The following SHTN1 variants were observed in gnomAD, a reference collection of about 807,000 sequenced individuals.
SHTN1 encodes the protein shootin 1.
In SHTN1, 42 loss-of-function variants were observed where a neutral mutation model predicts 83.1. The ratio of observed to expected loss-of-function variants is 0.51; its 90% CI spans 0.39 to 0.65. The LOEUF (loss-of-function observed/expected upper bound fraction) is 0.65. Among genes scored for constraint, SHTN1 ranks in the 30% least tolerant of loss-of-function variants. SHTN1 has a pLI of 0.00. For synonymous variants in SHTN1, 224 were observed against 247.7 expected (o/e 0.90, Z 0.90); for missense variants, 622 against 737.8 (o/e 0.84, Z 1.82).
At chr10:116,897,430 A>G (rs1847561538) in intron 16 of SHTN1, among the ~76,000 whole-genome samples, 1 of 152,092 alleles carries the variant, frequency 6.6e-6, no homozygotes, top group Non-Finnish European at 1.5e-5. Context: ...GCTGAAAGGG[A>G]CTCTGTACAG....
intron 1 of SHTN1, among the ~76,000 whole-genome samples, chr10:117,085,277 A>G (rs988338082): frequency 2.0e-5 from 3 of 152,152 alleles, no homozygotes; most frequent in Admixed American, 1.3e-4. Context: ...TATGCACTCA[A>G]TGCTATAAAT....
intron 2 of SHTN1, among the ~76,000 whole-genome samples, chr10:117,025,863 T>C (rs1441539490): frequency 1.3e-5 from 2 of 152,094 alleles, no homozygotes; most frequent in Non-Finnish European, 1.5e-5. Context: ...CCTAGCTGGA[T>C]CCATCACCTA....
chr10:117,052,448 G>A (rs1852760058), intron 1 of SHTN1, among the ~76,000 whole-genome samples: 1 of 151,754 alleles, frequency 6.6e-6, no homozygotes, highest in Admixed American at 6.6e-5. Context: ...ATATGAAATG[G>A]CACAGGACCC....
chr10:117,101,908 G>A (rs1254027714), intron 1 of SHTN1, among the ~76,000 whole-genome samples: 1 of 151,574 alleles, frequency 6.6e-6, no homozygotes. Flanking sequence ...AAAAATGCAT[G>A]CATCAAAGTA....
At chr10:116,989,814 T>C (rs750864318) in intron 1 of SHTN1, among the ~76,000 whole-genome samples, 9 of 152,242 alleles carry the variant, frequency 5.9e-5, no homozygotes, top group Non-Finnish European at 1.2e-4. Flanking sequence ...CGATGTGCAT[T>C]GCATGTGTTA....
At chr10:116,928,003 G>T in intron 10 of SHTN1, 112 bp from the exon 11 acceptor site, 1 of 1,226,442 alleles carries the variant, frequency 8.2e-7, no homozygotes, top group Non-Finnish European at 1.1e-6. Context: ...TTTTATTAAG[G>T]CAAAATTAGA....
At chr10:117,095,917 CA>C (rs1332444960) in intron 1 of SHTN1, among the ~76,000 whole-genome samples, 6 of 152,164 alleles carry the variant, frequency 3.9e-5, no homozygotes, top group Non-Finnish European at 8.8e-5. Flanking sequence ...GGTTCAGTAT[CA>C]AATGGATTGA....
chr10:117,021,856 G>T (rs1318508704), intron 2 of SHTN1, among the ~76,000 whole-genome samples: 1 of 152,124 alleles, frequency 6.6e-6, no homozygotes, highest in Non-Finnish European at 1.5e-5. Context: ...ATTTGGCTGT[G>T]GTATAGGACT....
At chr10:116,935,647 C>A (rs1014668305) in intron 9 of SHTN1, among the ~76,000 whole-genome samples, 2 of 152,028 alleles carry the variant, frequency 1.3e-5, no homozygotes, top group Admixed American at 1.3e-4. Context: ...GTGTTTCTGC[C>A]AGGTTTTGGT....
In SHTN1 at chr10:117,018,510, A is replaced by ATT. The variant is rs1564932219; in HGVS notation, c.-123+29934_-123+29935insAA. On this transcript the variant is annotated intron_variant, in intron 2 of 17. Transcript: ENST00000392901. ...AAGGGTGTATGTGTATTTTTTTTAA[A>ATT]AAAAAAAAAAAAAGGAAAATATTTT... Among the ~76,000 whole-genome samples, 189 of 134,436 alleles carry ATT rather than the reference A, an allele frequency of 1.4e-3. 1 individual carries two copies. The highest frequency in any genetic ancestry group is 3.1e-3 in the African/African-American group (109 of 35,296). The allele number at this position is 134,436 out of a possible 152,430, so 88.2% of individuals were successfully genotyped here. A position where few individuals can be genotyped will look rare whatever the true frequency, so the allele number is the denominator to read the frequency against.
chr10:116,993,445 T>C (rs939844812), intron 1 of SHTN1, among the ~76,000 whole-genome samples: 3 of 152,246 alleles, frequency 2.0e-5, no homozygotes, highest in South Asian at 2.1e-4. Flanking sequence ...TCCAAAGATA[T>C]AGAAACTAAC....
intron 2 of SHTN1, among the ~76,000 whole-genome samples, chr10:117,016,283 G>T (rs967787388): frequency 6.6e-6 from 1 of 152,064 alleles, no homozygotes; most frequent in Non-Finnish European, 1.5e-5. Flanking sequence ...CTGTGTGTGC[G>T]TTTTATGTAT....
At chr10:117,063,772 G>A (rs148919048) in intron 1 of SHTN1, among the ~76,000 whole-genome samples, 16 of 152,054 alleles carry the variant, frequency 1.1e-4, no homozygotes, top group Non-Finnish European at 2.4e-4. Context: ...TCCTACATTT[G>A]GTGCCTTTTC....
chr10:116,927,989 TTC>T, intron 10 of SHTN1, 98 bp from the exon 11 acceptor site: 2 of 1,420,532 alleles, frequency 1.4e-6, no homozygotes, highest in South Asian at 1.3e-5. Flanking sequence ...CAAAAGTAAG[TTC>T]TTTTTATTAA....
intron 1 of SHTN1, among the ~76,000 whole-genome samples, chr10:117,091,911 A>G (rs1853435517): frequency 6.6e-6 from 1 of 152,116 alleles, no homozygotes; most frequent in South Asian, 2.1e-4. Context: ...TGTATCCTCC[A>G]GTTGAGGCAG....
chr10:116,960,275 C>A, intron 3 of SHTN1, 45 bp from the exon 4 acceptor site: 2 of 1,059,442 alleles, frequency 1.9e-6, no homozygotes, highest in South Asian at 2.5e-5. Context: ...AAAGATTAGT[C>A]AGCTATTCCA....
At chr10:117,074,548 T>C (rs1318815730) in intron 1 of SHTN1, among the ~76,000 whole-genome samples, 1 of 152,224 alleles carries the variant, frequency 6.6e-6, no homozygotes, top group Non-Finnish European at 1.5e-5. Context: ...AAAGAACCAC[T>C]GCACTTCAGT....
chr10:116,964,243 C>A (rs147229410), intron 3 of SHTN1, among the ~76,000 whole-genome samples: 14 of 152,154 alleles, frequency 9.2e-5, no homozygotes, highest in Admixed American at 4.6e-4. Flanking sequence ...GTGCTAAACT[C>A]TTTACATGTG....
intron 13 of SHTN1, among the ~76,000 whole-genome samples, chr10:116,913,503 A>G (rs1362887628): frequency 6.6e-6 from 1 of 152,222 alleles, no homozygotes; most frequent in Non-Finnish European, 1.5e-5. Context: ...AAGTCATGGG[A>G]AGAAAGAAAA....
Sources: gnomAD v4.1 joint callset for allele counts (sites outside exome capture counted in the v4.1 genomes callset) on GRCh38, gnomAD v4.1.1 for gene constraint, MANE v1.5 for transcripts, NCBI Gene and HGNC (gene_info 2026-07-23, HGNC 2026-07-21) for gene names.